ZNF804B: variants seen among roughly 807,000 people sequenced by gnomAD.
ZNF804B encodes zinc finger protein 804B.
ZNF804B carries 80 observed loss-of-function variants against 101.4 expected under a neutral mutation model. The ratio of observed to expected loss-of-function variants is 0.79; its 90% confidence interval spans 0.66 to 0.95. The LOEUF is 0.95. Among genes scored for constraint, ZNF804B ranks in the 40% least tolerant of loss-of-function variants. ZNF804B has a pLI of 0.00. For synonymous variants in ZNF804B, 622 were observed against 558.8 expected, an observed-to-expected ratio of 1.11 and a Z score of -1.59; for missense variants, 1,673 against 1,561.9, an observed-to-expected ratio of 1.07 and a Z score of -1.20.
chr7:88,781,638 T>C (rs1376942356), intron 1 of ZNF804B, among the ~76,000 whole-genome samples: 3 of 152,216 alleles, frequency 2.0e-5, no homozygotes, highest in Non-Finnish European at 4.4e-5. Flanking sequence ...TATCATTTAT[T>C]TTATTTAATA....
chr7:89,100,509 C>G (rs1464143046), intron 1 of ZNF804B, among the ~76,000 whole-genome samples: 1 of 152,012 alleles, frequency 6.6e-6, no homozygotes, highest in Non-Finnish European at 1.5e-5. Flanking sequence ...AGGAAACAAT[C>G]AACAAAGTGA....
intron 1 of ZNF804B, among the ~76,000 whole-genome samples, chr7:88,891,943 A>C (rs1312339706): frequency 6.6e-6 from 1 of 151,992 alleles, no homozygotes; most frequent in Non-Finnish European, 1.5e-5. Context: ...CTCATTGTTC[A>C]ATTCCCACAA....
chr7:89,256,300 T>G (rs1010439260), intron 2 of ZNF804B, among the ~76,000 whole-genome samples: 5 of 152,144 alleles, frequency 3.3e-5, no homozygotes, highest in African/African-American at 4.8e-5. Context: ...AAGCCTGTAA[T>G]CCCAGCACTT....
chr7:89,274,526 T>C (rs1360600176), intron 2 of ZNF804B, among the ~76,000 whole-genome samples: 1 of 151,278 alleles, frequency 6.6e-6, no homozygotes, highest in Non-Finnish European at 1.5e-5. Context: ...TTCCATGGTG[T>C]ATATGTGCCA....
intron 1 of ZNF804B, among the ~76,000 whole-genome samples, chr7:89,117,786 G>A (rs1790332933): frequency 1.3e-5 from 2 of 152,072 alleles, no homozygotes; most frequent in Admixed American, 6.6e-5. Context: ...TAATCATGTT[G>A]CTTTATTTCA....
At chr7:89,326,665 A>T (rs996899916) in intron 2 of ZNF804B, among the ~76,000 whole-genome samples, 10 of 152,042 alleles carry the variant, frequency 6.6e-5, no homozygotes, top group Non-Finnish European at 1.5e-4. Flanking sequence ...GATTCTTAAG[A>T]AGAGGTCTTA....
At chr7:88,831,239 A>G (rs999919218) in intron 1 of ZNF804B, among the ~76,000 whole-genome samples, 1 of 151,860 alleles carries the variant, frequency 6.6e-6, no homozygotes, top group African/African-American at 2.4e-5. Context: ...AAATTTTCCA[A>G]CTTTAGGTAA....
chr7:88,970,951 T>C (rs1247977738), intron 1 of ZNF804B, among the ~76,000 whole-genome samples: 1 of 147,540 alleles, frequency 6.8e-6, no homozygotes, highest in African/African-American at 2.5e-5. Flanking sequence ...ACATGTACCC[T>C]AAAACTTAAA....
chr7:88,976,727 T>C (rs1226746459), intron 1 of ZNF804B, among the ~76,000 whole-genome samples: 2 of 151,742 alleles, frequency 1.3e-5, no homozygotes, highest in Admixed American at 1.3e-4. Flanking sequence ...GCTCTTGATT[T>C]CTTTCTCTTG....
chr7:88,845,006 GT>G (rs1791347790), intron 1 of ZNF804B, among the ~76,000 whole-genome samples: 2 of 152,202 alleles, frequency 1.3e-5, no homozygotes, highest in South Asian at 4.1e-4. Context: ...TTTTCTGTAG[GT>G]TTATTTTTAA....
intron 1 of ZNF804B, among the ~76,000 whole-genome samples, chr7:89,022,821 G>C (rs1247315635): frequency 6.6e-6 from 1 of 152,140 alleles, no homozygotes; most frequent in East Asian, 1.9e-4. Flanking sequence ...GGAATGGTTA[G>C]ATAGGAAATG....
At chr7:89,254,850 T>C (rs1199126152) in intron 2 of ZNF804B, among the ~76,000 whole-genome samples, 1 of 152,076 alleles carries the variant, frequency 6.6e-6, no homozygotes, top group Non-Finnish European at 1.5e-5. Context: ...TTCACCATGT[T>C]GGCCAAGCTG....
At chr7:88,957,418 C>T (rs1793326661) in intron 1 of ZNF804B, among the ~76,000 whole-genome samples, 1 of 151,352 alleles carries the variant, frequency 6.6e-6, no homozygotes, top group South Asian at 2.1e-4. Context: ...ATATTGGTAA[C>T]CTCAAGCACA....
intron 1 of ZNF804B, among the ~76,000 whole-genome samples, chr7:88,857,761 A>C (rs573798778): frequency 6.7e-6 from 1 of 149,778 alleles, no homozygotes; most frequent in South Asian, 2.1e-4. Flanking sequence ...TCATTTTATG[A>C]GGCCAGCATA....
intron 1 of ZNF804B, among the ~76,000 whole-genome samples, chr7:89,017,663 T>C (rs972201998): frequency 1.3e-5 from 2 of 152,192 alleles, no homozygotes; most frequent in African/African-American, 4.8e-5. Context: ...ATGGGATGTC[T>C]TTCTGTTATT....
intron 2 of ZNF804B, among the ~76,000 whole-genome samples, chr7:89,305,604 G>A (rs1319163544): frequency 6.6e-6 from 1 of 151,844 alleles, no homozygotes; most frequent in African/African-American, 2.4e-5. Context: ...ATTTCCTATA[G>A]TTGAAATATT....
At position 89,272,436 on chromosome 7, in the gene ZNF804B, G is replaced by A. The variant is rs149717131; in HGVS notation, c.249+54141G>A. On this transcript the variant is annotated intron_variant, in intron 2 of 3. Transcript: ENST00000333190. ...AAATTTATGTCTTAATTAGCCTAAC[G>A]TAGTGAACTTGTTCCATAAAACACA... 2.2e-3 allele frequency among the ~76,000 whole-genome samples: 330 copies of A among 152,140 alleles called. 5 individuals are homozygous for A. Among genetic ancestry groups the A allele is most frequent in the Admixed American group, 0.018 (278 of 15,242 alleles).
At chr7:89,226,820 T>C (rs1789096829) in intron 2 of ZNF804B, among the ~76,000 whole-genome samples, 1 of 152,118 alleles carries the variant, frequency 6.6e-6, no homozygotes, top group Admixed American at 6.5e-5. Context: ...GAGTTAGAAA[T>C]TGCTTGACTC....
intron 2 of ZNF804B, among the ~76,000 whole-genome samples, chr7:89,221,327 A>C (rs1789000893): frequency 6.6e-6 from 1 of 151,986 alleles, no homozygotes; most frequent in African/African-American, 2.4e-5. Flanking sequence ...TTCAGGCTGA[A>C]TATTAAGAAA....
Sources: gnomAD v4.1 joint callset for allele counts (sites outside exome capture counted in the v4.1 genomes callset) on GRCh38, gnomAD v4.1.1 for gene constraint, MANE v1.5 for transcripts, NCBI Gene and HGNC (gene_info 2026-07-23, HGNC 2026-07-21) for gene names.